Variants in MCC observed in about 807,000 individuals in gnomAD.
MCC encodes MCC regulator of Wnt signaling pathway.
Under a neutral mutation model 116.2 loss-of-function variants are expected in MCC, and 90 were observed. The observed-to-expected ratio is 0.77, with a 90% CI of 0.65 to 0.92. The LOEUF is 0.92. Ranked by LOEUF, MCC falls within the 40% of genes least tolerant of loss-of-function variation. The pLI, the probability that MCC is intolerant of heterozygous loss-of-function variation, is 0.00. For synonymous variants in MCC, 578 were observed against 510.5 expected, an observed-to-expected ratio of 1.13 and a Z score of -1.78; for missense variants, 1,516 against 1,312.2, an observed-to-expected ratio of 1.16 and a Z score of -2.40.
At chr5:113,433,437 G>A (rs942579449) in intron 1 of MCC, 30 of 598,284 alleles carry the variant, frequency 5.0e-5, no homozygotes, top group South Asian at 7.3e-5. Flanking sequence ...TCACTGAGCC[G>A]TTGCGGCCAG....
chr5:113,404,230 T>C (rs1384952584), intron 1 of MCC, among the ~76,000 whole-genome samples: 1 of 152,172 alleles, frequency 6.6e-6, no homozygotes, highest in Non-Finnish European at 1.5e-5. Context: ...CAAGGAAACC[T>C]CTCTAATGTT....
chr5:113,174,783 C>CT, intron 3 of MCC, among the ~76,000 whole-genome samples: 1 of 152,054 alleles, frequency 6.6e-6, no homozygotes, highest in Middle Eastern at 3.4e-3. Flanking sequence ...AGATGAGGGT[C>CT]TCCCTATGTT....
At position 113,382,000 on chromosome 5, in the gene MCC, T is replaced by C. The variant is rs548378491; in HGVS notation, c.415+2968A>G. On this transcript the variant is annotated intron_variant, in intron 2 of 18. Transcript: ENST00000408903. ...GGGTCAAAATCCAAAGATTTAGATG[T>C]GGGCAGAAAAGGAATCTTTGGATTG... Among the ~76,000 whole-genome samples, 3 of 152,266 alleles carry C rather than the reference T, an allele frequency of 2.0e-5. No individual in the cohort carries two copies. The East Asian group carries it at 5.8e-4, about 29-fold the overall frequency.
rs117947735 is a variant in MCC, at chr5:113,202,473, C to T, written c.628-51051G>A. Among the ~76,000 whole-genome samples, 383 of 152,220 alleles carry T rather than the reference C, an allele frequency of 2.5e-3. 8 individuals carry two copies. The East Asian group carries it at 0.042, about 17-fold the overall frequency. On this transcript the variant is annotated intron_variant, in intron 3 of 18. Coordinates refer to ENST00000408903, the MANE Select transcript of MCC (RefSeq NM_001085377.2). ...GTTACCGCCAGCTGCCTATCTGTTT[C>T]GACAATACGTACATAGTTAGCCTAC...
intron 17 of MCC, among the ~76,000 whole-genome samples, chr5:113,030,891 C>A (rs1219644599): frequency 6.6e-6 from 1 of 152,218 alleles, no homozygotes; most frequent in Non-Finnish European, 1.5e-5. Flanking sequence ...TTCTACTTCA[C>A]TCACTTTTGC....
At chr5:113,378,086 T>G (rs1769028866) in intron 2 of MCC, among the ~76,000 whole-genome samples, 1 of 152,214 alleles carries the variant, frequency 6.6e-6, no homozygotes. Context: ...TTGTATATAT[T>G]AATTAAAACT....
intron 3 of MCC, among the ~76,000 whole-genome samples, chr5:113,153,771 T>C (rs1006939757): frequency 2.0e-5 from 3 of 151,672 alleles, no homozygotes; most frequent in African/African-American, 7.2e-5. Flanking sequence ...CCACATCAGT[T>C]TCAGAGACTG....
chr5:113,352,171 G>A (rs532080191), intron 2 of MCC, among the ~76,000 whole-genome samples: 1 of 152,198 alleles, frequency 6.6e-6, no homozygotes, highest in East Asian at 1.9e-4. Flanking sequence ...CTGTCTTCAT[G>A]TTAAATTTTT....
rs533534041 is a variant in MCC at position 113,416,423 on chromosome 5, T to A, written c.171-31211A>T. On this transcript the variant is annotated intron_variant, in intron 1 of 18. Transcript: ENST00000408903. ...CCAGCCTGGGCAACAAGAGATCCCATCTCTTAAAAAAAAAAGTGGCAGGGG... is the reference window on the plus strand; with the variant it reads ...CCAGCCTGGGCAACAAGAGATCCCAACTCTTAAAAAAAAAAGTGGCAGGGG... Among the ~76,000 whole-genome samples, 6 of 151,632 alleles carry A rather than the reference T, an allele frequency of 4.0e-5. No individual in the cohort carries two copies. The South Asian group carries it at 1.2e-3, about 32-fold the overall frequency.
At chr5:113,333,116 A>C (rs1767743266) in intron 3 of MCC, among the ~76,000 whole-genome samples, 1 of 151,658 alleles carries the variant, frequency 6.6e-6, no homozygotes, top group Non-Finnish European at 1.5e-5. Context: ...CTAATGTGAA[A>C]CACAAGAAGC....
At position 113,078,102 on chromosome 5, in the gene MCC, C is replaced by T. The variant is rs181424933; in HGVS notation, c.1784+4758G>A. ...CACATACACCTTCCCAACACTAAAC[C>T]GGGAAGGAGTTGAATCCCTGAATAG... On this transcript the variant is annotated intron_variant, in intron 11 of 18. Transcript: ENST00000408903. Among the ~76,000 whole-genome samples the T allele has an allele frequency of 1.1e-4, 17 of 152,226 alleles. No homozygotes were observed. In the East Asian group the frequency reaches 1.9e-3, roughly 17 times the overall value.
rs540088067 is a variant in MCC, at chr5:113,397,124, T to C, written c.171-11912A>G. Among the ~76,000 whole-genome samples the C allele has an allele frequency of 7.9e-5, 12 of 152,332 alleles. No homozygotes were observed. The East Asian group carries it at 1.5e-3, about 20-fold the overall frequency. On this transcript the variant is annotated intron_variant, in intron 1 of 18. Transcript: ENST00000408903. ...AGCTGTAGTCTGGAAACACATGTGA[T>C]AATAACATGAAGAGTTATGAAGGAA...
At chr5:113,370,934 A>G (rs1768822983) in intron 2 of MCC, among the ~76,000 whole-genome samples, 1 of 152,154 alleles carries the variant, frequency 6.6e-6, no homozygotes, top group South Asian at 2.1e-4. Context: ...AAGACAGTTG[A>G]GGCTGGGCAT....
In MCC at chr5:113,434,296, C is replaced by CA; in HGVS notation, c.171-49085dup. On this transcript the variant is annotated intron_variant, in intron 1 of 18. Coordinates refer to ENST00000408903, the MANE Select transcript of MCC (RefSeq NM_001085377.2). The surrounding 1 kb of genome is among the most constrained non-coding windows in gnomAD (Gnocchi z 4.2). Reference sequence around the variant, plus strand: ...ATGCCCTGCAGCACCTCTGGGGCCGCATACGCTGGTGACCCACAGAAGGTC... The same window carrying CA: ...ATGCCCTGCAGCACCTCTGGGGCCGCAATACGCTGGTGACCCACAGAAGGTC... The CA allele has an allele frequency of 6.2e-7, 1 of 1,614,154 alleles. No individual in the cohort carries two copies. The highest frequency in any genetic ancestry group is 8.5e-7 in the Non-Finnish European group (1 of 1,180,014).
intron 1 of MCC, among the ~76,000 whole-genome samples, chr5:113,419,254 T>G (rs1444629413): frequency 4.0e-5 from 6 of 151,878 alleles, no homozygotes; most frequent in Admixed American, 2.0e-4. Flanking sequence ...CACTTCAGCC[T>G]TCAACTCCTG....
chr5:113,488,168 G>C (rs1380629594), intron 1 of MCC, 77 bp downstream of exon 1: 3 of 1,377,596 alleles, frequency 2.2e-6, no homozygotes, highest in African/African-American at 3.0e-5. Flanking sequence ...GTTGGGGCGA[G>C]GGGGCAGAGC....
intron 3 of MCC, among the ~76,000 whole-genome samples, chr5:113,249,249 C>T (rs1489169120): frequency 6.6e-6 from 1 of 152,206 alleles, no homozygotes; most frequent in East Asian, 1.9e-4. Flanking sequence ...CTGTTGTTTA[C>T]TCTATAAAAA....
intron 3 of MCC, among the ~76,000 whole-genome samples, chr5:113,256,565 A>G (rs1328910844): frequency 6.6e-6 from 1 of 152,236 alleles, no homozygotes; most frequent in Non-Finnish European, 1.5e-5. Context: ...CATATTCAAG[A>G]AACGTCAAGT....
intron 1 of MCC, among the ~76,000 whole-genome samples, chr5:113,461,815 G>A (rs1378216915): frequency 6.7e-6 from 1 of 149,680 alleles, no homozygotes; most frequent in Non-Finnish European, 1.5e-5. Flanking sequence ...ACAGATTATA[G>A]TAGAGATGTT....
Sources: gnomAD v4.1 joint callset for allele counts (sites outside exome capture counted in the v4.1 genomes callset) on GRCh38, gnomAD v4.1.1 for gene constraint, Gnocchi (gnomAD v3.1) non-coding constraint, MANE v1.5 for transcripts, NCBI Gene and HGNC (gene_info 2026-07-23, HGNC 2026-07-21) for gene names.